Variants in WWOX observed in about 807,000 individuals in gnomAD.
WWOX encodes WW domain containing oxidoreductase, also known as WW domain-containing oxidoreductase.
Under a neutral mutation model 46.2 loss-of-function variants are expected in WWOX, and 69 were observed. That is an observed-to-expected ratio of 1.49 (90% CI 1.23 to 1.82). WWOX has a LOEUF of 1.82. Among genes scored for constraint, WWOX ranks in the 40% most tolerant of loss-of-function variants. The probability of loss-of-function intolerance (pLI) is 0.00; values close to 1 mark genes in which losing one functional copy is unlikely to be tolerated. For missense variants in WWOX, 919 were observed against 542.6 expected, an observed-to-expected ratio of 1.69 and a Z score of -6.89; for synonymous variants, 359 against 202.6, an observed-to-expected ratio of 1.77 and a Z score of -6.56.
intron 8 of WWOX, among the ~76,000 whole-genome samples, chr16:78,777,784 C>G (rs985897123): frequency 6.6e-6 from 1 of 152,104 alleles, no homozygotes; most frequent in African/African-American, 2.4e-5. Flanking sequence ...TGGTGGCTCA[C>G]GCCTGTAATC....
intron 8 of WWOX, among the ~76,000 whole-genome samples, chr16:78,602,974 C>T (rs558286509): frequency 2.0e-5 from 3 of 152,210 alleles, no homozygotes; most frequent in Non-Finnish European, 4.4e-5. Context: ...CAGAACCATT[C>T]TGCGTTCTTA....
intron 5 of WWOX, among the ~76,000 whole-genome samples, chr16:78,277,369 A>G (rs950678102): frequency 1.3e-5 from 2 of 152,166 alleles, no homozygotes; most frequent in Admixed American, 6.5e-5. Context: ...TGCCATTTCT[A>G]GCATTCTCTC....
At position 78,795,235 on chromosome 16, in the gene WWOX, T is replaced by C. The variant is rs188758512; in HGVS notation, c.1056+362483T>C. On this transcript the variant is annotated intron_variant, in intron 8 of 8. Coordinates refer to ENST00000566780, the MANE Select transcript of WWOX (RefSeq NM_016373.4). ...TTATGTTATTCACACTTCACAGATATTCTCTTTCTACATGTAAGGAAAAAA... is the reference window on the plus strand; with the variant it reads ...TTATGTTATTCACACTTCACAGATACTCTCTTTCTACATGTAAGGAAAAAA... Among the ~76,000 whole-genome samples, 1,060 of 152,308 alleles carry C rather than the reference T, an allele frequency of 7.0e-3. 6 individuals are homozygous for C. Among genetic ancestry groups the C allele is most frequent in the Non-Finnish European group, 0.011 (723 of 68,024 alleles).
intron 8 of WWOX, among the ~76,000 whole-genome samples, chr16:78,543,862 AC>A (rs1363357707): frequency 5.9e-5 from 9 of 152,020 alleles, no homozygotes; most frequent in African/African-American, 2.2e-4. Flanking sequence ...TGACTCTGAA[AC>A]CCTGTTTATT....
intron 8 of WWOX, among the ~76,000 whole-genome samples, chr16:78,716,753 G>A (rs1045944137): frequency 2.0e-5 from 3 of 152,054 alleles, no homozygotes; most frequent in African/African-American, 7.2e-5. Flanking sequence ...GTCTCTATTC[G>A]AATTGCAGGA....
At chr16:78,938,008 A>C (rs2045777339) in intron 8 of WWOX, among the ~76,000 whole-genome samples, 1 of 152,086 alleles carries the variant, frequency 6.6e-6, no homozygotes, top group African/African-American at 2.4e-5. Context: ...GTCCTTGCCT[A>C]AGGTATTGCT....
chr16:78,793,153 A>G (rs1423198847), intron 8 of WWOX, among the ~76,000 whole-genome samples: 1 of 152,168 alleles, frequency 6.6e-6, no homozygotes, highest in Non-Finnish European at 1.5e-5. Context: ...GGTCACTGCA[A>G]CTGCTGTCTC....
At chr16:78,627,497 A>G (rs533337985) in intron 8 of WWOX, among the ~76,000 whole-genome samples, 2 of 152,352 alleles carry the variant, frequency 1.3e-5, no homozygotes, top group South Asian at 4.1e-4. Flanking sequence ...AAGTCTTTGA[A>G]TAATGGCCCA....
intron 8 of WWOX, among the ~76,000 whole-genome samples, chr16:78,945,677 G>C (rs1397160536): frequency 1.3e-5 from 2 of 151,112 alleles, no homozygotes; most frequent in Non-Finnish European, 2.9e-5. Flanking sequence ...TTTTTTCTTT[G>C]ACTTTCCTTG....
At chr16:78,659,990 G>C (rs758610290) in intron 8 of WWOX, among the ~76,000 whole-genome samples, 12 of 152,174 alleles carry the variant, frequency 7.9e-5, no homozygotes, top group Non-Finnish European at 1.6e-4. Flanking sequence ...GGGCTCATCA[G>C]TACATTGTTA....
At chr16:78,829,138 A>G (rs1357060513) in intron 8 of WWOX, among the ~76,000 whole-genome samples, 5 of 150,390 alleles carry the variant, frequency 3.3e-5, no homozygotes, top group Non-Finnish European at 7.4e-5. Flanking sequence ...ATGGAGAGAG[A>G]GAGAGACAGA....
chr16:78,985,215 C>T (rs1259520995), intron 8 of WWOX, among the ~76,000 whole-genome samples: 1 of 152,202 alleles, frequency 6.6e-6, no homozygotes, highest in African/African-American at 2.4e-5. Flanking sequence ...GAGAGAGCTC[C>T]ATTTCCTGTT....
At chr16:78,699,428 A>G (rs147890249) in intron 8 of WWOX, among the ~76,000 whole-genome samples, 1 of 151,866 alleles carries the variant, frequency 6.6e-6, no homozygotes, top group East Asian at 1.9e-4. Flanking sequence ...ACTCCCAGCT[A>G]CTTGGGAGGC....
At chr16:79,021,033 T>G (rs1224252045) in intron 8 of WWOX, among the ~76,000 whole-genome samples, 1 of 152,146 alleles carries the variant, frequency 6.6e-6, no homozygotes, top group East Asian at 1.9e-4. Context: ...ATACACAAGC[T>G]TCAAAAAGTT....
chr16:78,503,881 ATT>A (rs537821378), intron 8 of WWOX: 83 of 152,372 alleles, frequency 5.4e-4, no homozygotes, highest in African/African-American at 1.9e-3. Flanking sequence ...CCAGTTGAAG[ATT>A]AACATGCAAT....
At chr16:78,748,654 A>G (rs62036151) in intron 8 of WWOX, among the ~76,000 whole-genome samples, 16,100 of 152,270 alleles carry the variant, frequency 0.11, 959 homozygotes, top group Non-Finnish European at 0.12. Context: ...ATAGGAATCA[A>G]CAAGGGAGAT....
At chr16:78,739,765 C>T (rs544255859) in intron 8 of WWOX, among the ~76,000 whole-genome samples, 27 of 152,080 alleles carry the variant, frequency 1.8e-4, no homozygotes, top group Non-Finnish European at 3.4e-4. Flanking sequence ...GAGCCGAGAT[C>T]GTACCATTGC....
chr16:79,006,584 A>T (rs187906265), intron 8 of WWOX, among the ~76,000 whole-genome samples: 64 of 152,136 alleles, frequency 4.2e-4, no homozygotes, highest in African/African-American at 1.4e-3. Context: ...TGCTGTAACC[A>T]ATGATTACAA....
At chr16:78,695,767 A>G (rs1387745742) in intron 8 of WWOX, among the ~76,000 whole-genome samples, 1 of 152,236 alleles carries the variant, frequency 6.6e-6, no homozygotes, top group African/African-American at 2.4e-5. Context: ...ACAAAAACGA[A>G]AACCAATAAA....
Sources: gnomAD v4.1 joint callset for allele counts (sites outside exome capture counted in the v4.1 genomes callset) on GRCh38, gnomAD v4.1.1 for gene constraint, MANE v1.5 for transcripts, NCBI Gene and HGNC (gene_info 2026-07-23, HGNC 2026-07-21) for gene names.